Variants in FOXO3 observed in about 807,000 individuals in gnomAD.
FOXO3 encodes the protein forkhead box O3.
In FOXO3, 4 loss-of-function variants were observed where a neutral mutation model predicts 41.9. That is an observed-to-expected ratio of 0.10 (90% CI 0.05 to 0.22). FOXO3 has a LOEUF of 0.22. FOXO3 is among the 10% of genes least tolerant of loss of function. FOXO3 has a pLI of 1.00. For synonymous variants in FOXO3, 318 were observed against 389.3 expected (o/e 0.82, Z 2.16); for missense variants, 534 against 906.8 (o/e 0.59, Z 5.28).
chr6:108,605,327 C>T (rs1447829494), intron 1 of FOXO3, among the ~76,000 whole-genome samples: 1 of 152,176 alleles, frequency 6.6e-6, no homozygotes. Flanking sequence ...CCATATTGGC[C>T]AGGCTGGTCT....
intron 1 of FOXO3, among the ~76,000 whole-genome samples, chr6:108,629,659 CT>C (rs952156819): frequency 7.2e-5 from 11 of 151,768 alleles, no homozygotes; most frequent in South Asian, 4.2e-4. Flanking sequence ...ATTTTATAAT[CT>C]TTTTTTTAAC....
rs1562223873 is a variant in FOXO3 at position 108,561,431 on chromosome 6, T to C, written c.223T>C (p.Ser75Pro). ...DDEDGGGRAG[S>P]AMAIGGGGGS... ...CGAGGACGGCGGGGGACGGGCCGGC[T>C]CGGCCATGGCGATCGGCGGCGGCGG... The change falls in exon 1 of 3, where the codon TCG becomes CCG. Residue 75 changes from serine (S) to proline (P), a missense_variant. Physicochemically the swap from Ser to Pro is moderately conservative, Grantham distance 74. Around this residue, in one of 8 missense-constraint regions of FOXO3, gnomAD observed 139 missense variants for 163.7 expected, o/e 0.85. Transcript: ENST00000406360. 2 of 1,538,168 alleles carry C rather than the reference T, an allele frequency of 1.3e-6. No homozygotes were observed. The highest frequency in any genetic ancestry group is 1.7e-6 in the Non-Finnish European group (2 of 1,144,598).
intron 1 of FOXO3, among the ~76,000 whole-genome samples, chr6:108,580,274 T>C (rs1377052096): frequency 7.3e-6 from 1 of 137,728 alleles, no homozygotes; most frequent in African/African-American, 2.7e-5. Flanking sequence ...CCACAACCTC[T>C]GCCTCCTGGG....
intron 1 of FOXO3, among the ~76,000 whole-genome samples, chr6:108,617,474 T>C (rs1009138522): frequency 7.9e-5 from 12 of 152,162 alleles, no homozygotes. Context: ...GATTCTTTTT[T>C]TTTTAGAGTA....
intron 1 of FOXO3, among the ~76,000 whole-genome samples, chr6:108,605,081 C>A (rs1019587592): frequency 6.6e-6 from 1 of 152,174 alleles, no homozygotes; most frequent in African/African-American, 2.4e-5. Context: ...TTCATAGTCA[C>A]ACTCTTTATC....
chr6:108,629,791 A>T (rs1430362303), intron 1 of FOXO3, among the ~76,000 whole-genome samples: 1 of 152,132 alleles, frequency 6.6e-6, no homozygotes, highest in East Asian at 1.9e-4. Flanking sequence ...AGGAATTTAG[A>T]TAATAAGCCA....
At chr6:108,636,047 C>CT (rs537718533) in intron 1 of FOXO3, among the ~76,000 whole-genome samples, 280 of 152,354 alleles carry the variant, frequency 1.8e-3, no homozygotes, top group African/African-American at 6.5e-3. Context: ...CACTCCTCAG[C>CT]TAGGGAAGCA....
At chr6:108,676,289 A>G (rs939032643) in intron 2 of FOXO3, among the ~76,000 whole-genome samples, 1 of 152,238 alleles carries the variant, frequency 6.6e-6, no homozygotes, top group African/African-American at 2.4e-5. Flanking sequence ...TGCAGAGTAA[A>G]CTACAATTCC....
chr6:108,649,709 C>G (rs1205395483), intron 1 of FOXO3, among the ~76,000 whole-genome samples: 5 of 151,750 alleles, frequency 3.3e-5, no homozygotes, highest in Admixed American at 6.6e-5. Context: ...TTTCTATCCA[C>G]AAATTAATAT....
chr6:108,568,060 A>AT (rs1246343622), intron 1 of FOXO3, among the ~76,000 whole-genome samples: 1 of 151,630 alleles, frequency 6.6e-6, no homozygotes, highest in Non-Finnish European at 1.5e-5. Context: ...AAAAAAAAAA[A>AT]AATTAGCTCT....
At chr6:108,642,602 G>T (rs924433842) in intron 1 of FOXO3, among the ~76,000 whole-genome samples, 22 of 152,146 alleles carry the variant, frequency 1.4e-4, no homozygotes, top group Non-Finnish European at 2.8e-4. Flanking sequence ...ACACTTGCCA[G>T]ATGTTTAGAA....
chr6:108,579,084 G>T (rs935917848), intron 1 of FOXO3, among the ~76,000 whole-genome samples: 1 of 152,266 alleles, frequency 6.6e-6, no homozygotes, highest in South Asian at 2.1e-4. Context: ...TCATGTGAGG[G>T]TCTTTTACCA....
rs943290090 is a variant in FOXO3, at chr6:108,679,823, T to C, written c.*35-4T>C. 1.4e-4 allele frequency: 21 copies of C among 154,780 alleles called. No homozygotes were observed. Among genetic ancestry groups the C allele is most frequent in the African/African-American group, 5.1e-4 (21 of 41,492 alleles). The allele number at this position is 154,780 out of a possible 1,614,324, so 9.6% of individuals were successfully genotyped here. On this transcript the variant is annotated splice_polypyrimidine_tract_variant and splice_region_variant and intron_variant, in intron 2 of 2. Coordinates refer to ENST00000406360, the MANE Select transcript of FOXO3 (RefSeq NM_001455.4). ...ATCTCTGGTTTTCTTTTCTCCTCCTTTAGACCCTCAAACTGACACAAGACC... is the reference window on the plus strand; with the variant it reads ...ATCTCTGGTTTTCTTTTCTCCTCCTCTAGACCCTCAAACTGACACAAGACC...
rs578241377 is a variant in FOXO3, at chr6:108,604,898, A to AT, written c.621+43069_621+43070insT. Among the ~76,000 whole-genome samples the AT allele has an allele frequency of 2.0e-4, 31 of 152,270 alleles. 1 individual carries two copies. In the South Asian group the frequency reaches 6.2e-3, roughly 31 times the overall value. ...GTGACTTGGCTCACTTATGGAGTGT[A>AT]AAGGCCCTATAAGAAGAGAGAAAAA... is the stretch of plus-strand genomic sequence containing the variant. On this transcript the variant is annotated intron_variant, in intron 1 of 2. Coordinates refer to ENST00000406360, the MANE Select transcript of FOXO3 (RefSeq NM_001455.4).
At chr6:108,593,417 G>A (rs962600376) in intron 1 of FOXO3, among the ~76,000 whole-genome samples, 14 of 150,862 alleles carry the variant, frequency 9.3e-5, no homozygotes, top group Admixed American at 2.0e-4. Context: ...ATGGAGTCTC[G>A]CTCTGGCTGG....
intron 1 of FOXO3, among the ~76,000 whole-genome samples, chr6:108,580,177 T>G (rs889273835): frequency 5.1e-5 from 7 of 137,746 alleles, no homozygotes; most frequent in Non-Finnish European, 9.1e-5. Context: ...GTATTAGCTC[T>G]TCTTCATTTT....
rs984779744 is a variant in FOXO3, at chr6:108,622,256, CAAAA to C, written c.622-41178_622-41175del. 8.3e-4 allele frequency among the ~76,000 whole-genome samples: 40 copies of C among 48,482 alleles called. 1 individual carries two copies. The highest frequency in any genetic ancestry group is 2.1e-3 in the African/African-American group (30 of 14,474). The allele number at this position is 48,482 out of a possible 152,430, so 31.8% of individuals were successfully genotyped here. On this transcript the variant is annotated intron_variant, in intron 1 of 2. Coordinates refer to ENST00000406360, the MANE Select transcript of FOXO3 (RefSeq NM_001455.4). The stretch of plus-strand genomic sequence containing the variant: ...CCTGGGCGACAGAGCAAGACTGTCT[CAAAA>C]AAAAAAAAAAAAAAAAAAAAGGCAG...
At chr6:108,661,690 A>C (rs1297574125) in intron 1 of FOXO3, among the ~76,000 whole-genome samples, 1 of 152,214 alleles carries the variant, frequency 6.6e-6, no homozygotes, top group Admixed American at 6.5e-5. Flanking sequence ...AAGGTGGGGA[A>C]CTGCAGTTGT....
At chr6:108,586,755 G>C (rs935342699) in intron 1 of FOXO3, among the ~76,000 whole-genome samples, 1 of 151,960 alleles carries the variant, frequency 6.6e-6, no homozygotes, top group African/African-American at 2.4e-5. Context: ...GGGAAGACCA[G>C]GGGGCTGGTA....
Sources: gnomAD v4.1 joint callset for allele counts (sites outside exome capture counted in the v4.1 genomes callset) on GRCh38, gnomAD v4.1.1 for gene constraint, gnomAD v4.1.1 regional missense constraint, MANE v1.5 for transcripts, NCBI Gene and HGNC (gene_info 2026-07-23, HGNC 2026-07-21) for gene names.